KCNMA1: variants seen among roughly 807,000 people sequenced by gnomAD.
KCNMA1 encodes the protein potassium calcium-activated channel subfamily M alpha 1.
In KCNMA1, 29 loss-of-function variants were observed where a neutral mutation model predicts 140.0. That is an observed-to-expected ratio of 0.21 (90% CI 0.15 to 0.28). The LOEUF is 0.28. Among genes scored for constraint, KCNMA1 ranks in the 10% least tolerant of loss-of-function variants. The probability of loss-of-function intolerance (pLI) is 1.00; values close to 1 mark genes in which losing one functional copy is unlikely to be tolerated. For synonymous variants in KCNMA1, 612 were observed against 611.9 expected (o/e 1.00, Z 0.00); for missense variants, 880 against 1,602.2 (o/e 0.55, Z 7.70).
intron 2 of KCNMA1, among the ~76,000 whole-genome samples, chr10:77,296,650 T>C (rs1018012990): frequency 1.3e-5 from 2 of 152,018 alleles, no homozygotes; most frequent in African/African-American, 4.8e-5. Context: ...AGCTGATGTA[T>C]GAAAAACATC....
chr10:77,189,923 A>G (rs1345134223), intron 3 of KCNMA1, among the ~76,000 whole-genome samples: 2 of 152,204 alleles, frequency 1.3e-5, no homozygotes, highest in East Asian at 3.8e-4. Context: ...TGTTTCATAT[A>G]GTAACTCTAA....
chr10:77,279,310 T>C (rs1189635642), intron 2 of KCNMA1, among the ~76,000 whole-genome samples: 1 of 152,190 alleles, frequency 6.6e-6, no homozygotes, highest in African/African-American at 2.4e-5. Flanking sequence ...AAAATCCAAA[T>C]GCAGCTGCTG....
chr10:77,090,899 C>G (rs556585294), intron 9 of KCNMA1: 1 of 298,818 alleles, frequency 3.3e-6, no homozygotes, highest in Non-Finnish European at 6.5e-6. Flanking sequence ...GGGAGATTTA[C>G]TGTATGAGTC....
intron 2 of KCNMA1, among the ~76,000 whole-genome samples, chr10:77,322,622 A>AC (rs2082691100): frequency 6.6e-6 from 1 of 152,208 alleles, no homozygotes; most frequent in African/African-American, 2.4e-5. Flanking sequence ...TACTCCTTAG[A>AC]AACAGAATGA....
intron 6 of KCNMA1, among the ~76,000 whole-genome samples, chr10:77,116,778 T>C (rs528596673): frequency 3.9e-5 from 6 of 152,270 alleles, no homozygotes; most frequent in East Asian, 1.9e-4. Flanking sequence ...TGCCTCCTAA[T>C]TGGTCTTATG....
At position 76,905,435 on chromosome 10, in the gene KCNMA1, T is replaced by C. The variant is rs79745007; in HGVS notation, c.3147+4531A>G. On this transcript the variant is annotated intron_variant, in intron 25 of 27. Coordinates refer to ENST00000286628, the MANE Select transcript of KCNMA1 (RefSeq NM_001161352.2). ...ATCCTCTCGCCAAGTCTGAAGTGTCTCATTCCAGACTTAGAACTTGGCCAG... is the reference window on the plus strand; with the variant it reads ...ATCCTCTCGCCAAGTCTGAAGTGTCCCATTCCAGACTTAGAACTTGGCCAG... Among the ~76,000 whole-genome samples, 1,369 of 152,290 alleles carry C rather than the reference T, an allele frequency of 9.0e-3. 16 individuals carry two copies. The highest frequency in any genetic ancestry group is 0.029 in the African/African-American group (1,200 of 41,556).
rs551758475 is a variant in KCNMA1 at position 77,143,917 on chromosome 10, A to T, written c.809-22869T>A. On this transcript the variant is annotated intron_variant, in intron 5 of 27. Transcript: ENST00000286628. ...TAGAATGGCTAAAATTTAAAAGTTG[A>T]CATTATCAAGTGTTGGTGAAGAAAC... 3.3e-5 allele frequency among the ~76,000 whole-genome samples: 5 copies of T among 152,328 alleles called. No homozygotes were observed. In the East Asian group the frequency reaches 7.7e-4, roughly 23 times the overall value.
At chr10:77,004,682 A>G (rs974766824) in intron 18 of KCNMA1, among the ~76,000 whole-genome samples, 1 of 152,208 alleles carries the variant, frequency 6.6e-6, no homozygotes, top group African/African-American at 2.4e-5. Flanking sequence ...GTAAAATTAA[A>G]TTATATCAAA....
chr10:77,078,216 G>A (rs993325010), intron 13 of KCNMA1: 1 of 152,236 alleles, frequency 6.6e-6, no homozygotes, highest in South Asian at 2.1e-4. Context: ...ACCCAGCAGC[G>A]AGTTATTCTG....
intron 1 of KCNMA1, among the ~76,000 whole-genome samples, chr10:77,506,039 T>C (rs2045679365): frequency 6.6e-6 from 1 of 152,178 alleles, no homozygotes; most frequent in South Asian, 2.1e-4. Flanking sequence ...CCATGCTGCT[T>C]GGGAAAGACC....
chr10:77,404,712 T>A (rs2096408633), intron 1 of KCNMA1, among the ~76,000 whole-genome samples: 1 of 152,142 alleles, frequency 6.6e-6, no homozygotes, highest in Admixed American at 6.5e-5. Context: ...CCCACTTTCC[T>A]TTAGGAAAAT....
intron 1 of KCNMA1, among the ~76,000 whole-genome samples, chr10:77,599,539 C>A (rs181255563): frequency 1.3e-5 from 2 of 152,224 alleles, no homozygotes; most frequent in Admixed American, 6.5e-5. Context: ...TCTTTTTAAC[C>A]TGAAGGGATT....
At chr10:77,361,702 C>A (rs926208982) in intron 2 of KCNMA1, among the ~76,000 whole-genome samples, 8 of 152,260 alleles carry the variant, frequency 5.3e-5, no homozygotes, top group Non-Finnish European at 7.3e-5. Flanking sequence ...GGTCACTGCT[C>A]TCTCCAGGAG....
intron 1 of KCNMA1, among the ~76,000 whole-genome samples, chr10:77,445,160 G>A (rs1326574343): frequency 6.6e-6 from 1 of 152,136 alleles, no homozygotes; most frequent in Non-Finnish European, 1.5e-5. Flanking sequence ...ACCCAGGGAA[G>A]CCACAGGAAA....
intron 5 of KCNMA1, among the ~76,000 whole-genome samples, chr10:77,182,792 C>CT (rs932864228): frequency 8.5e-5 from 13 of 152,134 alleles, no homozygotes; most frequent in Admixed American, 6.5e-5. Context: ...AAGCCCTGGG[C>CT]TTCCATGACT....
intron 2 of KCNMA1, among the ~76,000 whole-genome samples, chr10:77,280,690 CTTT>C (rs36008118): frequency 7.4e-6 from 1 of 134,292 alleles, no homozygotes. Context: ...CCATGCCTGG[CTTT>C]TTTTTTTTTT....
chr10:77,473,033 C>T (rs1261988), intron 1 of KCNMA1, among the ~76,000 whole-genome samples: 26,990 of 152,248 alleles, frequency 0.18, 2,773 homozygotes, highest in African/African-American at 0.27. Flanking sequence ...TAACCCTCCA[C>T]GGCTGTGGCC....
chr10:76,897,081 T>C (rs1239062259), intron 25 of KCNMA1, among the ~76,000 whole-genome samples: 1 of 151,412 alleles, frequency 6.6e-6, no homozygotes, highest in Non-Finnish European at 1.5e-5. Context: ...CAGGAAGTTC[T>C]AAGCTAAATA....
chr10:77,183,559 G>GA (rs2098819407), intron 4 of KCNMA1, 27 bp from the exon 5 acceptor site: 1 of 1,476,428 alleles, frequency 6.8e-7, no homozygotes, highest in South Asian at 1.2e-5. Context: ...ATAAGAAAGA[G>GA]AAAAAACATG....
Sources: allele counts gnomAD v4.1 joint callset (sites outside exome capture counted in the v4.1 genomes callset), GRCh38; gene constraint gnomAD v4.1.1; transcripts MANE v1.5; gene names NCBI Gene and HGNC (gene_info 2026-07-23, HGNC 2026-07-21).